Variants in KCNQ1 observed in about 807,000 individuals in gnomAD.
The protein encoded by KCNQ1 is potassium voltage-gated channel subfamily Q member 1.
Under a neutral mutation model 72.4 loss-of-function variants are expected in KCNQ1, and 49 were observed. That is an observed-to-expected ratio of 0.68 (90% CI 0.54 to 0.86). The LOEUF (loss-of-function observed/expected upper bound fraction) is 0.86. KCNQ1 is among the 40% of genes least tolerant of loss of function. KCNQ1 has a pLI of 0.00. For synonymous variants in KCNQ1, 450 were observed against 412.6 expected, an observed-to-expected ratio of 1.09 and a Z score of -1.10; for missense variants, 790 against 945.1, an observed-to-expected ratio of 0.84 and a Z score of 2.15.
chr11:2,770,096 A>AGTG (rs1212514328), intron 12 of KCNQ1, among the ~76,000 whole-genome samples: 1 of 152,148 alleles, frequency 6.6e-6, no homozygotes, highest in Non-Finnish European at 1.5e-5. Flanking sequence ...ACGGACTGAC[A>AGTG]GTGGCATTCA....
chr11:2,565,369 T>G lies in KCNQ1; in HGVS notation c.478-5259T>G, dbSNP rs1848232774. Among the ~76,000 whole-genome samples the G allele has an allele frequency of 6.6e-6, 1 of 152,124 alleles. No individual in the cohort carries two copies. Among genetic ancestry groups the G allele is most frequent in the Non-Finnish European group, 1.5e-5 (1 of 68,028 alleles). On this transcript the variant is annotated intron_variant, in intron 2 of 15. Transcript: ENST00000155840. This position sits in a 1 kb window ranked among gnomAD's most constrained non-coding sequence, Gnocchi z 5.6. ...TCTTGATTTGCATTTCCCTGATGAT[T>G]AGTGACACTGGGCACCTCTCCGTGT... is the stretch of plus-strand genomic sequence containing the variant.
intron 15 of KCNQ1, among the ~76,000 whole-genome samples, chr11:2,814,506 A>C (rs571779522): frequency 6.7e-6 from 1 of 149,574 alleles, no homozygotes; most frequent in Admixed American, 6.6e-5. Context: ...GATGGAGGGA[A>C]GGGAAGGCTG....
intron 1 of KCNQ1, among the ~76,000 whole-genome samples, chr11:2,500,720 T>C (rs969902983): frequency 6.6e-6 from 1 of 152,154 alleles, no homozygotes; most frequent in African/African-American, 2.4e-5. Flanking sequence ...TTATGTTCTT[T>C]TCAGGGACAC....
chr11:2,833,834 G>A (rs576644430), intron 15 of KCNQ1, among the ~76,000 whole-genome samples: 25 of 152,336 alleles, frequency 1.6e-4, no homozygotes, highest in Non-Finnish European at 2.8e-4. Flanking sequence ...CAGCACCAGC[G>A]CCAGGGGCCG....
At position 2,484,609 on chromosome 11, in the gene KCNQ1, T is replaced by C. The variant is rs937457352; in HGVS notation, c.386+39125T>C. 6.6e-6 allele frequency among the ~76,000 whole-genome samples: 1 copy of C among 152,244 alleles called. No individual in the cohort carries two copies. Among genetic ancestry groups the C allele is most frequent in the African/African-American group, 2.4e-5 (1 of 41,458 alleles). The stretch of plus-strand genomic sequence containing the variant: ...CCCAAGATGCTCTGGGCTCAGCTTG[T>C]ATTTCCTTGCCTCAGTCTTGAAATC... On this transcript the variant is annotated intron_variant, in intron 1 of 15. Coordinates refer to ENST00000155840, the MANE Select transcript of KCNQ1 (RefSeq NM_000218.3). The surrounding 1 kb of genome is among the most constrained non-coding windows in gnomAD (Gnocchi z 5.2).
chr11:2,477,734 TAAA>T lies in KCNQ1; in HGVS notation c.386+32262_386+32264del, dbSNP rs35412197. ...ATAGTGAGACCCCATCTCTTTTTAT[TAAA>T]AAAAAAAAAAAGACCATACATACAC... is the stretch of plus-strand genomic sequence containing the variant. On this transcript the variant is annotated intron_variant, in intron 1 of 15. Transcript: ENST00000155840. This position sits in a 1 kb window ranked among gnomAD's most constrained non-coding sequence, Gnocchi z 5.0. 2.1e-5 allele frequency among the ~76,000 whole-genome samples: 3 copies of T among 141,602 alleles called. No individual in the cohort carries two copies. The highest frequency in any genetic ancestry group is 2.1e-4 in the East Asian group (1 of 4,876). 92.9% of individuals were successfully genotyped at this position (141,602 alleles called of 152,430 possible).
intron 15 of KCNQ1, among the ~76,000 whole-genome samples, chr11:2,794,454 G>A (rs1847090976): frequency 6.6e-6 from 1 of 152,166 alleles, no homozygotes; most frequent in African/African-American, 2.4e-5. Flanking sequence ...GGAAGAAGAT[G>A]GGGGAGTGAG....
intron 11 of KCNQ1, chr11:2,689,956 G>A (rs1850561846): frequency 2.5e-6 from 1 of 398,702 alleles, no homozygotes; most frequent in Non-Finnish European, 4.4e-6. Context: ...ACAGTGACTA[G>A]CCTCAGAGCC....
chr11:2,646,708 G>A, intron 10 of KCNQ1: 1 of 398,512 alleles, frequency 2.5e-6, no homozygotes, highest in Non-Finnish European at 4.4e-6. Flanking sequence ...TACTGATGAG[G>A]TTTTGCCATG....
chr11:2,666,044 A>G, intron 11 of KCNQ1: 1 of 398,614 alleles, frequency 2.5e-6, no homozygotes, highest in Non-Finnish European at 4.4e-6. Flanking sequence ...CCTGAGATAG[A>G]CGGCCCAAGA....
intron 1 of KCNQ1, among the ~76,000 whole-genome samples, chr11:2,476,094 A>T (rs1284824299): frequency 6.6e-6 from 1 of 152,228 alleles, no homozygotes; most frequent in African/African-American, 2.4e-5. Context: ...AACAAAAATA[A>T]TCTGAATTAT....
At position 2,710,552 on chromosome 11, in the gene KCNQ1, T is replaced by C. The variant is rs1310596447; in HGVS notation, c.1514+48471T>C. ...GGTGTCATAACTAAATAACAACATGTAATCTGAGGTCAAAAAGATTTACCC... is the reference window on the plus strand; with the variant it reads ...GGTGTCATAACTAAATAACAACATGCAATCTGAGGTCAAAAAGATTTACCC... On this transcript the variant is annotated intron_variant, in intron 11 of 15. Coordinates refer to ENST00000155840, the MANE Select transcript of KCNQ1 (RefSeq NM_000218.3). This position sits in a 1 kb window ranked among gnomAD's most constrained non-coding sequence, Gnocchi z 4.1. Among the ~76,000 whole-genome samples, 1 of 152,232 alleles carries C rather than the reference T, an allele frequency of 6.6e-6. No individual in the cohort carries two copies. The highest frequency in any genetic ancestry group is 2.4e-5 in the African/African-American group (1 of 41,472).
At position 2,680,319 on chromosome 11, in the gene KCNQ1, C is replaced by T. The variant is rs1157799209; in HGVS notation, c.1514+18238C>T. On this transcript the variant is annotated intron_variant, in intron 11 of 15. Coordinates refer to ENST00000155840, the MANE Select transcript of KCNQ1 (RefSeq NM_000218.3). Reference sequence around the variant, plus strand: ...TTAACTGATGAAGAATTGCCTTCCCCACCTCAAAAAAAAAGTCTTTCCAGC... The same window carrying T: ...TTAACTGATGAAGAATTGCCTTCCCTACCTCAAAAAAAAAGTCTTTCCAGC... 1.5e-5 allele frequency: 5 copies of T among 333,786 alleles called. No individual in the cohort carries two copies. The African/African-American group carries it at 1.8e-4, about 12-fold the overall frequency. The allele number at this position is 333,786 out of a possible 1,614,324, so 20.7% of individuals were successfully genotyped here. A position where few individuals can be genotyped will look rare whatever the true frequency, so the allele number is the denominator to read the frequency against.
At chr11:2,836,373 A>G (rs1334368000) in intron 15 of KCNQ1, among the ~76,000 whole-genome samples, 1 of 152,166 alleles carries the variant, frequency 6.6e-6, no homozygotes, top group East Asian at 1.9e-4. Flanking sequence ...GTGGGGAGGC[A>G]TGGTGACGTT....
chr11:2,452,227 G>C (rs1026682456), intron 1 of KCNQ1, among the ~76,000 whole-genome samples: 1 of 151,980 alleles, frequency 6.6e-6, no homozygotes, highest in African/African-American at 2.4e-5. Flanking sequence ...GCTCTCCCCG[G>C]CTCCTGGCTG....
chr11:2,531,972 C>T (rs1029796389), intron 2 of KCNQ1, among the ~76,000 whole-genome samples: 2 of 152,216 alleles, frequency 1.3e-5, no homozygotes, highest in African/African-American at 4.8e-5. Flanking sequence ...CACCCCACCT[C>T]ACCCAGCCTG....
At chr11:2,789,025 C>T (rs1846967216) in intron 15 of KCNQ1, among the ~76,000 whole-genome samples, 1 of 152,128 alleles carries the variant, frequency 6.6e-6, no homozygotes, top group Admixed American at 6.5e-5. Flanking sequence ...TCATGGCTTG[C>T]CTGGCCAGGG....
At chr11:2,630,151 C>T (rs1168118341) in intron 10 of KCNQ1, 9 of 398,126 alleles carry the variant, frequency 2.3e-5, no homozygotes, top group Non-Finnish European at 8.9e-6. Flanking sequence ...ATGTGAACTG[C>T]ATTATTTGCA....
intron 10 of KCNQ1, chr11:2,630,178 T>C: frequency 2.5e-6 from 1 of 398,376 alleles, no homozygotes; most frequent in Non-Finnish European, 4.4e-6. Context: ...AAAATGATTG[T>C]ATGATTTTTA....
Sources: gnomAD v4.1 joint callset for allele counts (sites outside exome capture counted in the v4.1 genomes callset) on GRCh38, gnomAD v4.1.1 for gene constraint, Gnocchi (gnomAD v3.1) non-coding constraint, MANE v1.5 for transcripts, NCBI Gene and HGNC (gene_info 2026-07-23, HGNC 2026-07-21) for gene names.